Variants in ANKRD18B observed in about 807,000 individuals in gnomAD.
ANKRD18B encodes the protein ankyrin repeat domain 18B, also known as ankyrin repeat domain-containing protein 18B.
ANKRD18B carries 75 observed loss-of-function variants against 111.8 expected under a neutral mutation model. The ratio of observed to expected loss-of-function variants is 0.67; its 90% CI spans 0.56 to 0.81. The LOEUF (loss-of-function observed/expected upper bound fraction) is 0.81. ANKRD18B is among the 40% of genes least tolerant of loss of function. ANKRD18B has a pLI of 0.00. For missense variants in ANKRD18B, 1,038 were observed against 1,225.5 expected (o/e 0.85, Z 2.28); for synonymous variants, 356 against 417.3 (o/e 0.85, Z 1.79).
intron 14 of ANKRD18B, among the ~76,000 whole-genome samples, chr9:33,563,644 CT>C (rs1828644635): frequency 6.7e-6 from 1 of 150,366 alleles, no homozygotes; most frequent in Non-Finnish European, 1.5e-5. Context: ...TATAGATTCT[CT>C]TTTGTTTTAA....
chr9:33,555,721 A>T lies in ANKRD18B; in HGVS notation c.2231A>T (p.His744Leu). ...FQVEIQPEEK[H>L]EEFRKVFELI... Reference sequence around the variant, plus strand: ...CTTTTTTTCAAGCCTGAAGAAAAACATGAAGAATTCAGAAAAGTTTTTGAA... The same window carrying T: ...CTTTTTTTCAAGCCTGAAGAAAAACTTGAAGAATTCAGAAAAGTTTTTGAA... The change falls in exon 13 of 19, where the codon CAT becomes CTT. Residue 744 changes from histidine to leucine, a missense_variant. Transcript: ENST00000684830. The T allele has an allele frequency of 1.4e-6, 2 of 1,414,294 alleles. No homozygotes were observed. Among genetic ancestry groups the T allele is most frequent in the South Asian group, 3.3e-5 (2 of 60,676 alleles). The allele number at this position is 1,414,294 out of a possible 1,614,324, so 87.6% of individuals were successfully genotyped here. A position where few individuals can be genotyped will look rare whatever the true frequency, so the allele number is the denominator to read the frequency against.
At chr9:33,571,817 C>G (rs1411819381) in intron 18 of ANKRD18B, 7 of 155,618 alleles carry the variant, frequency 4.5e-5, no homozygotes, top group African/African-American at 1.7e-4. Context: ...TTTGCCTTCG[C>G]CTCTTCCCTC....
intron 1 of ANKRD18B, among the ~76,000 whole-genome samples, chr9:33,527,851 C>T (rs1828049068): frequency 1.3e-5 from 2 of 152,222 alleles, no homozygotes; most frequent in Admixed American, 6.5e-5. Context: ...TTTTTAAATG[C>T]TACCAATTAT....
Position 33,548,373 on chromosome 9 carries a change from A to C in ANKRD18B, c.1585A>C (p.Met529Leu). The stretch of plus-strand genomic sequence containing the variant: ...AGATGATGTTTCTAGACATGAAACA[A>C]TGGGTTCTAATATTTCTCAACTAAC... ...RADDVSRHETMGSNISQLTDK... is the reference protein window; with the variant it reads ...RADDVSRHETLGSNISQLTDK... Residue 529 changes from methionine to leucine, a missense_variant, in exon 11 of 19, where the codon ATG (methionine) becomes CTG (leucine). Met to Leu is a conservative substitution (Grantham distance 15). This residue lies in a region of ANKRD18B where 524 missense variants were observed against 677.9 expected (regional missense o/e 0.77). Transcript: ENST00000684830. The C allele has an allele frequency of 6.5e-7, 1 of 1,550,310 alleles. No individual in the cohort carries two copies.
chr9:33,525,874 A>G, intron 1 of ANKRD18B, among the ~76,000 whole-genome samples: 1 of 150,828 alleles, frequency 6.6e-6, no homozygotes. Context: ...ATATATTAGT[A>G]ACATAATGTT....
At chr9:33,547,888 A>G (rs1424029349) in intron 10 of ANKRD18B, 50 bp from the exon 11 acceptor site, 2 of 1,229,294 alleles carry the variant, frequency 1.6e-6, no homozygotes, top group South Asian at 2.0e-5. Context: ...AGAAATAACC[A>G]TCATAGATTA....
chr9:33,541,052 G>C, intron 8 of ANKRD18B, 95 bp from the exon 9 acceptor site: 2 of 1,444,370 alleles, frequency 1.4e-6, no homozygotes, highest in Non-Finnish European at 1.9e-6. Flanking sequence ...AGGATTTAGG[G>C]TAAGCATGCA....
chr9:33,540,905 G>A (rs1828269120), intron 8 of ANKRD18B, among the ~76,000 whole-genome samples: 3 of 152,170 alleles, frequency 2.0e-5, no homozygotes, highest in African/African-American at 7.2e-5. Context: ...GCAGTGTGCT[G>A]ACCCATTATG....
intron 14 of ANKRD18B, among the ~76,000 whole-genome samples, chr9:33,564,515 G>C (rs1828657150): frequency 1.3e-5 from 2 of 152,332 alleles, no homozygotes; most frequent in African/African-American, 4.8e-5. Flanking sequence ...GTGAGGAAAA[G>C]TATCCTTGTG....
intron 12 of ANKRD18B, among the ~76,000 whole-genome samples, chr9:33,551,414 C>G (rs1479444031): frequency 6.6e-6 from 1 of 152,202 alleles, no homozygotes; most frequent in Non-Finnish European, 1.5e-5. Flanking sequence ...CTCCATGTCT[C>G]TCCACCTACC....
chr9:33,550,011 T>C (rs564800517), intron 11 of ANKRD18B, among the ~76,000 whole-genome samples: 8 of 152,200 alleles, frequency 5.3e-5, no homozygotes, highest in African/African-American at 1.9e-4. Flanking sequence ...GAGAGTGGGA[T>C]TGAAGTTTGT....
At chr9:33,550,013 G>T (rs896943564) in intron 11 of ANKRD18B, among the ~76,000 whole-genome samples, 4 of 152,284 alleles carry the variant, frequency 2.6e-5, no homozygotes, top group Admixed American at 2.0e-4. Flanking sequence ...GAGTGGGATT[G>T]AAGTTTGTAC....
At chr9:33,553,890 C>T (rs1045852359) in intron 12 of ANKRD18B, among the ~76,000 whole-genome samples, 17 of 151,796 alleles carry the variant, frequency 1.1e-4, no homozygotes, top group Non-Finnish European at 2.2e-4. Flanking sequence ...AGAGCCTGGC[C>T]AACGTGGTGA....
At chr9:33,568,926 C>A (rs1409757049) in intron 17 of ANKRD18B, 33 bp downstream of exon 17, 2 of 1,480,718 alleles carry the variant, frequency 1.4e-6, no homozygotes, top group South Asian at 1.4e-5. Context: ...TTTTGGGTTT[C>A]ATTTCTCTAA....
At chr9:33,569,702 A>G (rs1029291674) in intron 17 of ANKRD18B, among the ~76,000 whole-genome samples, 1 of 152,232 alleles carries the variant, frequency 6.6e-6, no homozygotes, top group Non-Finnish European at 1.5e-5. Context: ...TATGAATTAA[A>G]TAAAACACTG....
chr9:33,534,800 T>C (rs1290543822), intron 5 of ANKRD18B, among the ~76,000 whole-genome samples: 1 of 151,502 alleles, frequency 6.6e-6, no homozygotes, highest in Non-Finnish European at 1.5e-5. Flanking sequence ...TAATGTCACA[T>C]CTTTTACTTT....
At chr9:33,527,318 T>TTTGTTTGTTTGTTTGTTTGC (rs1828039065) in intron 1 of ANKRD18B, among the ~76,000 whole-genome samples, 1 of 148,736 alleles carries the variant, frequency 6.7e-6, no homozygotes, top group African/African-American at 2.4e-5. Flanking sequence ...TTTTTGTTTG[T>TTTGTTTGTTTGTTTGTTTGC]TTGTTTGTTT....
At chr9:33,533,614 G>A (rs397834926) in intron 4 of ANKRD18B, 69 bp downstream of exon 4, 153 of 1,469,488 alleles carry the variant, frequency 1.0e-4, no homozygotes, top group Admixed American at 3.2e-4. Flanking sequence ...GGTAACAGTC[G>A]CTCAAGTCAG....
intron 8 of ANKRD18B, among the ~76,000 whole-genome samples, chr9:33,540,881 T>G (rs1259120602): frequency 1.3e-5 from 2 of 152,186 alleles, no homozygotes; most frequent in African/African-American, 4.8e-5. Flanking sequence ...TAGGCAGGAT[T>G]TGGCCTGTAG....
Sources: gnomAD v4.1 joint callset for allele counts (sites outside exome capture counted in the v4.1 genomes callset) on GRCh38, gnomAD v4.1.1 for gene constraint, gnomAD v4.1.1 regional missense constraint, MANE v1.5 for transcripts, NCBI Gene and HGNC (gene_info 2026-07-23, HGNC 2026-07-21) for gene names.